DYM: variants seen among roughly 807,000 people sequenced by gnomAD.
DYM encodes dyggve-Melchior-Clausen syndrome protein.
DYM carries 78 observed loss-of-function variants against 93.1 expected under a neutral mutation model. The observed-to-expected ratio is 0.84, with a 90% CI of 0.70 to 1.01. The LOEUF (loss-of-function observed/expected upper bound fraction) is 1.01. DYM is among the 50% of genes least tolerant of loss of function. The pLI is 0.00. For missense variants in DYM, 789 were observed against 845.0 expected (o/e 0.93, Z 0.82); for synonymous variants, 321 against 319.7 (o/e 1.00, Z -0.04).
chr18:49,286,379 G>A, intron 9 of DYM, 55 bp downstream of exon 9: 1 of 1,575,258 alleles, frequency 6.3e-7, no homozygotes, highest in Non-Finnish European at 8.7e-7. Flanking sequence ...AAACAATATA[G>A]AACAAGCAAT....
chr18:49,276,424 C>T (rs1210869975), intron 10 of DYM, among the ~76,000 whole-genome samples: 2 of 151,896 alleles, frequency 1.3e-5, no homozygotes, highest in African/African-American at 4.9e-5. Context: ...ATAAATCCCA[C>T]TTGGATATGG....
chr18:49,217,711 T>C (rs2093143341), intron 13 of DYM, among the ~76,000 whole-genome samples: 1 of 152,120 alleles, frequency 6.6e-6, no homozygotes, highest in African/African-American at 2.4e-5. Context: ...TGCTGAGAGA[T>C]TTTCTCACCA....
In DYM at chr18:49,199,328, G is replaced by A. The variant is rs146468726; in HGVS notation, c.1625+10223C>T. ...ACCAACATGGCACATGTATACATAT[G>A]TAACAAACCTGCACGTTGTGCCCAT... On this transcript the variant is annotated intron_variant, in intron 14 of 17. Coordinates refer to ENST00000675505, the MANE Select transcript of DYM (RefSeq NM_001353214.3). 8.2e-3 allele frequency among the ~76,000 whole-genome samples: 1,243 copies of A among 152,272 alleles called. 7 individuals are homozygous for A. Among genetic ancestry groups the A allele is most frequent in the Non-Finnish European group, 0.012 (806 of 68,010 alleles).
chr18:49,356,019 T>C (rs2065533600), intron 6 of DYM, among the ~76,000 whole-genome samples: 1 of 152,134 alleles, frequency 6.6e-6, no homozygotes, highest in African/African-American at 2.4e-5. Flanking sequence ...CCAAACCATG[T>C]GCATACATAT....
chr18:49,282,481 C>T (rs59802467), intron 9 of DYM, among the ~76,000 whole-genome samples: 1,920 of 152,126 alleles, frequency 0.013, 34 homozygotes, highest in African/African-American at 0.043. Context: ...GGCATGGTGG[C>T]GTGGGCCTGT....
chr18:49,067,793 T>C (rs560739377), intron 17 of DYM, among the ~76,000 whole-genome samples: 1 of 152,086 alleles, frequency 6.6e-6, no homozygotes, highest in African/African-American at 2.4e-5. Flanking sequence ...CAAATGTGCA[T>C]GAAAGTAGAA....
intron 14 of DYM, among the ~76,000 whole-genome samples, chr18:49,187,020 C>T (rs1010826662): frequency 2.0e-5 from 3 of 150,868 alleles, no homozygotes; most frequent in South Asian, 2.1e-4. Context: ...CCTGGGTTCA[C>T]GCCATTCTCC....
At chr18:49,238,033 A>T (rs1441969876) in intron 13 of DYM, among the ~76,000 whole-genome samples, 1 of 152,004 alleles carries the variant, frequency 6.6e-6, no homozygotes, top group Non-Finnish European at 1.5e-5. Flanking sequence ...AAACTAGTAC[A>T]TTGTCATTTT....
intron 13 of DYM, among the ~76,000 whole-genome samples, chr18:49,215,065 T>C (rs570600942): frequency 1.1e-3 from 165 of 152,354 alleles, no homozygotes; most frequent in Middle Eastern, 3.4e-3. Context: ...TCCACAGATA[T>C]GTAAATTCTA....
rs189669819 is a variant in DYM at position 49,347,583 on chromosome 18, T to C, written c.495-13730A>G. On this transcript the variant is annotated intron_variant, in intron 6 of 17. Coordinates refer to ENST00000675505, the MANE Select transcript of DYM (RefSeq NM_001353214.3). ...AACCTCAACAAATAACTTCTCTGCG[T>C]CTCAGTTTTCTTATTTGTAAATAAG... is the stretch of plus-strand genomic sequence containing the variant. Among the ~76,000 whole-genome samples the C allele has an allele frequency of 3.5e-4, 53 of 152,340 alleles. No homozygotes were observed. In the East Asian group the frequency reaches 8.5e-3, roughly 24 times the overall value.
In DYM at chr18:49,163,807, A is replaced by C. The variant is rs1459539132; in HGVS notation, c.1626-20T>G. The C allele has an allele frequency of 1.3e-6, 2 of 1,494,942 alleles. No individual in the cohort carries two copies. Among genetic ancestry groups the C allele is most frequent in the African/African-American group, 1.4e-5 (1 of 72,154 alleles). 92.6% of individuals were successfully genotyped at this position (1,494,942 alleles called of 1,614,324 possible). A position where few individuals can be genotyped will look rare whatever the true frequency, so the allele number is the denominator to read the frequency against. On this transcript the variant is annotated intron_variant, in intron 14 of 17. Coordinates refer to ENST00000675505, the MANE Select transcript of DYM (RefSeq NM_001353214.3). ...AATAAACTGGAAAAACAAACAAAAA[A>C]CCAATTATATTAAAGGAACTGTTTT...
rs1042663870 is a variant in DYM, at chr18:49,040,080, G to C, written c.*3975C>G. The C allele has an allele frequency of 2.0e-5, 3 of 152,208 alleles. No individual in the cohort carries two copies. Among genetic ancestry groups the C allele is most frequent in the African/African-American group, 7.2e-5 (3 of 41,442 alleles). 9.4% of individuals were successfully genotyped at this position (152,208 alleles called of 1,614,324 possible). ...TCGGACCACATTCAGGTACTGAGGT[G>C]GTTTAGAAGTTGAACTGCACTACCC... On this transcript the variant is annotated 3_prime_UTR_variant, in exon 18 of 18. Coordinates refer to ENST00000675505, the MANE Select transcript of DYM (RefSeq NM_001353214.3).
At chr18:49,416,455 G>A (rs2072998904) in intron 2 of DYM, among the ~76,000 whole-genome samples, 1 of 152,198 alleles carries the variant, frequency 6.6e-6, no homozygotes, top group African/African-American at 2.4e-5. Flanking sequence ...CTCTGGAGAA[G>A]AGTATTCAGG....
rs566314042 is a variant in DYM, at chr18:49,043,536, C to T, written c.*519G>A. The T allele has an allele frequency of 6.4e-6, 1 of 155,382 alleles. No individual in the cohort carries two copies. Among genetic ancestry groups the T allele is most frequent in the Admixed American group, 6.3e-5 (1 of 15,996 alleles). 9.6% of individuals were successfully genotyped at this position (155,382 alleles called of 1,614,324 possible). Reference sequence around the variant, plus strand: ...GCCCTCTGACAGGCAACCAAACACACACGACTTCATTTCTTTATTAATTCC... The same window carrying T: ...GCCCTCTGACAGGCAACCAAACACATACGACTTCATTTCTTTATTAATTCC... On this transcript the variant is annotated 3_prime_UTR_variant, in exon 18 of 18. Transcript: ENST00000675505.
intron 2 of DYM, among the ~76,000 whole-genome samples, chr18:49,392,045 T>C (rs1439217188): frequency 1.3e-5 from 2 of 152,106 alleles, no homozygotes; most frequent in Admixed American, 1.3e-4. Context: ...AGTGTCATGA[T>C]TGCTACAATA....
chr18:49,321,949 G>C (rs573524736), intron 8 of DYM, among the ~76,000 whole-genome samples: 1 of 152,036 alleles, frequency 6.6e-6, no homozygotes, highest in African/African-American at 2.4e-5. Flanking sequence ...TCTTACTGTA[G>C]TTTTTCTCTC....
chr18:49,191,287 G>T (rs1426227902), intron 14 of DYM, among the ~76,000 whole-genome samples: 5 of 152,106 alleles, frequency 3.3e-5, no homozygotes, highest in African/African-American at 1.2e-4. Context: ...ATTATACTCA[G>T]TTGGTAATTA....
At chr18:49,226,257 A>T (rs981070500) in intron 13 of DYM, among the ~76,000 whole-genome samples, 2 of 152,168 alleles carry the variant, frequency 1.3e-5, no homozygotes, top group African/African-American at 4.8e-5. Context: ...TTACAGATGT[A>T]CCATCTATAT....
At chr18:49,162,540 A>G (rs2087289475) in intron 15 of DYM, among the ~76,000 whole-genome samples, 1 of 152,224 alleles carries the variant, frequency 6.6e-6, no homozygotes, top group Non-Finnish European at 1.5e-5. Context: ...TCCATTTATA[A>G]GGGATCCAAT....
Sources: allele counts gnomAD v4.1 joint callset (sites outside exome capture counted in the v4.1 genomes callset), GRCh38; gene constraint gnomAD v4.1.1; transcripts MANE v1.5; gene names NCBI Gene and HGNC (gene_info 2026-07-23, HGNC 2026-07-21).